Variants in ADAMTSL1 observed in about 807,000 individuals in gnomAD.
ADAMTSL1 encodes ADAMTS like 1, also known as ADAMTS-like protein 1.
Under a neutral mutation model 201.8 loss-of-function variants are expected in ADAMTSL1, and 126 were observed. The ratio of observed to expected loss-of-function variants is 0.62; its 90% confidence interval spans 0.54 to 0.72. The LOEUF (loss-of-function observed/expected upper bound fraction) is 0.72, where lower values mean the gene tolerates loss of function less well. ADAMTSL1 is among the 30% of genes least tolerant of loss of function. The probability of loss-of-function intolerance (pLI) is 0.00; values close to 1 mark genes in which losing one functional copy is unlikely to be tolerated. For synonymous variants in ADAMTSL1, 1,121 were observed against 903.4 expected (o/e 1.24, Z -4.32); for missense variants, 2,679 against 2,277.8 (o/e 1.18, Z -3.59).
intron 20 of ADAMTSL1, among the ~76,000 whole-genome samples, chr9:18,810,830 C>T (rs887054979): frequency 1.3e-5 from 2 of 151,922 alleles, no homozygotes; most frequent in African/African-American, 4.8e-5. Flanking sequence ...TGCTAAGTAC[C>T]ACTAAAGGCC....
At chr9:18,459,203 A>C (rs1820719420) in intron 2 of ADAMTSL1, among the ~76,000 whole-genome samples, 1 of 152,198 alleles carries the variant, frequency 6.6e-6, no homozygotes, top group Admixed American at 6.5e-5. Flanking sequence ...TTGAGAACTT[A>C]GTATCTGTTC....
intron 2 of ADAMTSL1, among the ~76,000 whole-genome samples, chr9:18,418,641 G>C (rs1587137450): frequency 6.6e-6 from 1 of 152,196 alleles, no homozygotes; most frequent in Non-Finnish European, 1.5e-5. Context: ...AACAAAATAT[G>C]TATGGGATCT....
chr9:18,730,012 G>A (rs939703275), intron 15 of ADAMTSL1, among the ~76,000 whole-genome samples: 2 of 152,108 alleles, frequency 1.3e-5, no homozygotes, highest in African/African-American at 4.8e-5. Context: ...GTAGCAGAGT[G>A]GAGTTTCCCA....
At chr9:18,533,446 T>A (rs796513740) in intron 3 of ADAMTSL1, among the ~76,000 whole-genome samples, 154 bp downstream of exon 3, 96 of 152,314 alleles carry the variant, frequency 6.3e-4, no homozygotes, top group African/African-American at 2.1e-3. Flanking sequence ...ACTAAAATGA[T>A]ATTTTTAAGT....
intron 7 of ADAMTSL1, among the ~76,000 whole-genome samples, chr9:18,644,491 CTTGTCAT>C (rs1827657873): frequency 6.6e-6 from 1 of 151,900 alleles, no homozygotes; most frequent in South Asian, 2.1e-4. Flanking sequence ...CACCCATTAA[CTTGTCAT>C]TTGGTATTAG....
chr9:17,983,475 G>A (rs1447219264), intron 1 of ADAMTSL1, among the ~76,000 whole-genome samples: 2 of 151,982 alleles, frequency 1.3e-5, no homozygotes, highest in Non-Finnish European at 2.9e-5. Flanking sequence ...AGCATTTAGT[G>A]TCAAAATAAA....
chr9:18,505,413 G>A (rs1359799652), intron 2 of ADAMTSL1, among the ~76,000 whole-genome samples: 1 of 152,196 alleles, frequency 6.6e-6, no homozygotes, highest in Non-Finnish European at 1.5e-5. Flanking sequence ...ATAGCCAGAA[G>A]TTTCTTAAAG....
intron 26 of ADAMTSL1, among the ~76,000 whole-genome samples, chr9:18,897,481 G>A (rs552315513): frequency 5.1e-4 from 78 of 152,112 alleles, no homozygotes; most frequent in Non-Finnish European, 9.4e-4. Context: ...CAACAGGTCA[G>A]TACCCACCTG....
At chr9:18,251,421 C>T (rs757465229) in intron 2 of ADAMTSL1, among the ~76,000 whole-genome samples, 1 of 151,940 alleles carries the variant, frequency 6.6e-6, no homozygotes, top group Admixed American at 6.6e-5. Flanking sequence ...TTCAAAAGGA[C>T]AGTGAAAAAA....
intron 2 of ADAMTSL1, among the ~76,000 whole-genome samples, chr9:18,517,237 A>C (rs1475345156): frequency 6.6e-6 from 1 of 152,156 alleles, no homozygotes; most frequent in Non-Finnish European, 1.5e-5. Context: ...AGCCAAAGGC[A>C]GCAATCCCCC....
At chr9:18,332,400 A>G (rs1298565925) in intron 2 of ADAMTSL1, among the ~76,000 whole-genome samples, 2 of 152,140 alleles carry the variant, frequency 1.3e-5, no homozygotes, top group Non-Finnish European at 2.9e-5. Context: ...ATTTTATCAC[A>G]TAGTTTGAGT....
chr9:18,217,791 G>A (rs552528187), intron 2 of ADAMTSL1, among the ~76,000 whole-genome samples: 15 of 152,232 alleles, frequency 9.9e-5, no homozygotes, highest in Admixed American at 2.0e-4. Flanking sequence ...CTAGAAATGC[G>A]GCTAATGGCT....
chr9:18,872,854 C>A (rs1339729008), intron 23 of ADAMTSL1, among the ~76,000 whole-genome samples: 1 of 152,136 alleles, frequency 6.6e-6, no homozygotes, highest in Non-Finnish European at 1.5e-5. Context: ...TGGGTGGATA[C>A]CCAGTAGCAG....
chr9:18,607,197 T>C (rs560310312), intron 4 of ADAMTSL1, among the ~76,000 whole-genome samples: 127 of 152,334 alleles, frequency 8.3e-4, no homozygotes, highest in Non-Finnish European at 1.5e-3. Context: ...CCCTTTGATA[T>C]GTATCCCAGC....
chr9:18,888,347 A>C (rs1324369880), intron 24 of ADAMTSL1, among the ~76,000 whole-genome samples: 3 of 152,190 alleles, frequency 2.0e-5, no homozygotes, highest in Non-Finnish European at 4.4e-5. Flanking sequence ...TCAAAGTCAG[A>C]TGTGATTCTT....
intron 1 of ADAMTSL1, among the ~76,000 whole-genome samples, chr9:18,092,622 T>G (rs1022909502): frequency 6.6e-6 from 1 of 152,206 alleles, no homozygotes; most frequent in African/African-American, 2.4e-5. Flanking sequence ...TCCCCAATAC[T>G]TGTGGTCCAA....
At chr9:18,834,646 T>C (rs1449797608) in intron 23 of ADAMTSL1, among the ~76,000 whole-genome samples, 1 of 152,120 alleles carries the variant, frequency 6.6e-6, no homozygotes, top group Admixed American at 6.6e-5. Flanking sequence ...CCACCACTAC[T>C]GCTCCCACCC....
chr9:18,621,599 C>CAG (rs1826039223), intron 4 of ADAMTSL1, among the ~76,000 whole-genome samples: 1 of 142,330 alleles, frequency 7.0e-6, no homozygotes, highest in Non-Finnish European at 1.5e-5. Flanking sequence ...CACACACACA[C>CAG]AGTAAGTTTG....
In ADAMTSL1 at chr9:18,721,403, C is replaced by G. The variant is rs866088308; in HGVS notation, c.1877-133C>G. On this transcript the variant is annotated intron_variant, in intron 14 of 28. Transcript: ENST00000380548. Reference sequence around the variant, plus strand: ...AAGATTGGCAGTCCTGGGCTTTAAACTGCCATCTCTGACATACAGCGAGAG... The same window carrying G: ...AAGATTGGCAGTCCTGGGCTTTAAAGTGCCATCTCTGACATACAGCGAGAG... 3.9e-6 allele frequency: 5 copies of G among 1,281,906 alleles called. No homozygotes were observed. The Middle Eastern group carries it at 8.4e-4, about 215-fold the overall frequency. The allele number at this position is 1,281,906 out of a possible 1,614,324, so 79.4% of individuals were successfully genotyped here.
Sources: allele counts gnomAD v4.1 joint callset (sites outside exome capture counted in the v4.1 genomes callset), GRCh38; gene constraint gnomAD v4.1.1; transcripts MANE v1.5; gene names NCBI Gene and HGNC (gene_info 2026-07-23, HGNC 2026-07-21).